Variants in PAWR observed in about 807,000 individuals in gnomAD.
PAWR encodes PRKC apoptosis WT1 regulator protein.
In PAWR, 23 loss-of-function variants were observed where a neutral mutation model predicts 32.0. The observed-to-expected ratio is 0.72, with a 90% CI of 0.52 to 1.02. The LOEUF (loss-of-function observed/expected upper bound fraction) is 1.02. PAWR is among the 50% of genes least tolerant of loss of function. The probability of loss-of-function intolerance (pLI) is 0.00; values close to 1 mark genes in which losing one functional copy is unlikely to be tolerated. For synonymous variants in PAWR, 226 were observed against 187.1 expected (o/e 1.21, Z -1.70); for missense variants, 457 against 437.7 (o/e 1.04, Z -0.39).
chr12:79,686,526 T>G (rs1365198462), intron 2 of PAWR, among the ~76,000 whole-genome samples: 1 of 152,170 alleles, frequency 6.6e-6, no homozygotes, highest in Non-Finnish European at 1.5e-5. Flanking sequence ...ACCCATTCAA[T>G]ATTACAGGGT....
At chr12:79,607,876 C>T (rs1326885131) in intron 4 of PAWR, among the ~76,000 whole-genome samples, 1 of 151,610 alleles carries the variant, frequency 6.6e-6, no homozygotes, top group African/African-American at 2.4e-5. Context: ...ATGGTGAAAC[C>T]CCGTCTCTAC....
chr12:79,611,039 T>C (rs1874411655), intron 4 of PAWR, among the ~76,000 whole-genome samples: 1 of 150,316 alleles, frequency 6.7e-6, no homozygotes, highest in Non-Finnish European at 1.5e-5. Context: ...GTGAGAAAAA[T>C]TAAGTATTTA....
chr12:79,666,980 A>G (rs1413610368), intron 2 of PAWR, among the ~76,000 whole-genome samples: 2 of 152,216 alleles, frequency 1.3e-5, no homozygotes, highest in Non-Finnish European at 2.9e-5. Flanking sequence ...TGCTTAGGGC[A>G]AACCTGCCTC....
chr12:79,605,570 T>G lies in PAWR; in HGVS notation c.683+8005A>C, dbSNP rs918733104. Among the ~76,000 whole-genome samples, 5 of 152,072 alleles carry G rather than the reference T, an allele frequency of 3.3e-5. No individual in the cohort carries two copies. The South Asian group carries it at 8.3e-4, about 25-fold the overall frequency. On this transcript the variant is annotated intron_variant, in intron 4 of 6. Transcript: ENST00000328827. ...AACTAAGCAATATGAAAAATTTCTG[T>G]GTAGTAAGAATAGGGGTCACACAAA...
intron 2 of PAWR, among the ~76,000 whole-genome samples, chr12:79,662,234 G>T (rs1302230436): frequency 6.9e-6 from 1 of 144,906 alleles, no homozygotes; most frequent in Admixed American, 6.9e-5. Flanking sequence ...GCATACTAAT[G>T]CTTAAAAGAT....
At chr12:79,621,348 C>G (rs961589756) in intron 2 of PAWR, 141 bp from the exon 3 acceptor site, 2 of 630,818 alleles carry the variant, frequency 3.2e-6, no homozygotes, top group African/African-American at 3.8e-5. Flanking sequence ...TTTCTTTCAG[C>G]AATATGTACA....
rs1457997560 is a variant in PAWR at position 79,612,119 on chromosome 12, A to G, written c.683+1456T>C. Among the ~76,000 whole-genome samples, 6 of 152,196 alleles carry G rather than the reference A, an allele frequency of 3.9e-5. No individual in the cohort carries two copies. In the East Asian group the frequency reaches 1.2e-3, roughly 29 times the overall value. The stretch of plus-strand genomic sequence containing the variant: ...GAACAGGCCACATCAAGGCTATTTC[A>G]TAATTATTTCTGGAAAGAGAAAAAG... On this transcript the variant is annotated intron_variant, in intron 4 of 6. Coordinates refer to ENST00000328827, the MANE Select transcript of PAWR (RefSeq NM_002583.4).
intron 4 of PAWR, among the ~76,000 whole-genome samples, chr12:79,597,344 T>C (rs1319710498): frequency 6.6e-6 from 1 of 152,202 alleles, no homozygotes; most frequent in East Asian, 1.9e-4. Context: ...GGATTACAGA[T>C]GTGAGCATTG....
In PAWR at chr12:79,589,600, A is replaced by AC. The variant is rs941173357; in HGVS notation, c.*3006dup. Reference sequence around the variant, plus strand: ...AATCCCTTAGTACCTATAAATACACACCCAAAAGCCCTTCCCTCCTTCTCT... The same window carrying AC: ...AATCCCTTAGTACCTATAAATACACACCCCAAAAGCCCTTCCCTCCTTCTCT... On this transcript the variant is annotated 3_prime_UTR_variant, in exon 7 of 7. Coordinates refer to ENST00000328827, the MANE Select transcript of PAWR (RefSeq NM_002583.4). The AC allele has an allele frequency of 6.6e-6, 1 of 152,118 alleles. No individual in the cohort carries two copies. Among genetic ancestry groups the AC allele is most frequent in the African/African-American group, 2.4e-5 (1 of 41,426 alleles). 9.4% of individuals were successfully genotyped at this position (152,118 alleles called of 1,614,324 possible). A position where few individuals can be genotyped will look rare whatever the true frequency, so the allele number is the denominator to read the frequency against.
At chr12:79,670,153 T>G (rs1274832341) in intron 2 of PAWR, among the ~76,000 whole-genome samples, 2 of 152,196 alleles carry the variant, frequency 1.3e-5, no homozygotes, top group African/African-American at 4.8e-5. Flanking sequence ...CCACAGCATG[T>G]TTCTATTGTT....
At chr12:79,597,897 T>C (rs1873821965) in intron 4 of PAWR, 1 of 152,196 alleles carries the variant, frequency 6.6e-6, no homozygotes, top group Non-Finnish European at 1.5e-5. Flanking sequence ...GGGCTTCTCA[T>C]GAGTTTTTAA....
chr12:79,684,617 CA>C (rs1293762138), intron 2 of PAWR, among the ~76,000 whole-genome samples: 14 of 136,576 alleles, frequency 1.0e-4, no homozygotes, highest in Admixed American at 2.2e-4. Flanking sequence ...GACTCCACCT[CA>C]AAAAAAAAAG....
chr12:79,614,828 A>G (rs1010413031), intron 3 of PAWR, among the ~76,000 whole-genome samples: 1 of 152,214 alleles, frequency 6.6e-6, no homozygotes, highest in Admixed American at 6.5e-5. Context: ...GTGGGGAACC[A>G]GTACAGCAAA....
intron 4 of PAWR, among the ~76,000 whole-genome samples, chr12:79,608,065 AT>A (rs1874266454): frequency 6.6e-6 from 1 of 151,906 alleles, no homozygotes; most frequent in Non-Finnish European, 1.5e-5. Flanking sequence ...AAAAAAAAAA[AT>A]CATAAAGTTC....
At chr12:79,607,738 A>T (rs866203270) in intron 4 of PAWR, among the ~76,000 whole-genome samples, 217 of 143,940 alleles carry the variant, frequency 1.5e-3, no homozygotes, top group African/African-American at 5.4e-3. Flanking sequence ...CAAAAAAAAA[A>T]AAAAAAATAA....
At chr12:79,621,611 G>A (rs1875020750) in intron 2 of PAWR, among the ~76,000 whole-genome samples, 1 of 152,056 alleles carries the variant, frequency 6.6e-6, no homozygotes, top group Non-Finnish European at 1.5e-5. Flanking sequence ...TATATAGATA[G>A]ATAGATAACT....
In PAWR at chr12:79,585,631, ATGT is replaced by A. The variant is rs1277773814; in HGVS notation, c.*6973_*6975del. 6.6e-6 allele frequency: 1 copy of A among 152,566 alleles called. No homozygotes were observed. Among genetic ancestry groups the A allele is most frequent in the Non-Finnish European group, 1.5e-5 (1 of 68,362 alleles). The allele number at this position is 152,566 out of a possible 1,614,324, so 9.5% of individuals were successfully genotyped here. A position where few individuals can be genotyped will look rare whatever the true frequency, so the allele number is the denominator to read the frequency against. ...CATACGGCTACTGAATTACTAATGA[ATGT>A]TATTATGCTATCATAAGTTATGGTT... On this transcript the variant is annotated 3_prime_UTR_variant, in exon 7 of 7. Coordinates refer to ENST00000328827, the MANE Select transcript of PAWR (RefSeq NM_002583.4).
At chr12:79,639,229 A>C (rs1876162043) in intron 2 of PAWR, among the ~76,000 whole-genome samples, 1 of 151,492 alleles carries the variant, frequency 6.6e-6, no homozygotes, top group African/African-American at 2.4e-5. Flanking sequence ...AGCTTTCAAT[A>C]CTGTTTCACC....
At chr12:79,647,463 G>T (rs1365039358) in intron 2 of PAWR, among the ~76,000 whole-genome samples, 2 of 152,082 alleles carry the variant, frequency 1.3e-5, no homozygotes, top group Non-Finnish European at 2.9e-5. Context: ...CCCAAGATAG[G>T]AATCAACATC....
Sources: gnomAD v4.1 joint callset for allele counts (sites outside exome capture counted in the v4.1 genomes callset) on GRCh38, gnomAD v4.1.1 for gene constraint, MANE v1.5 for transcripts, NCBI Gene and HGNC (gene_info 2026-07-23, HGNC 2026-07-21) for gene names.